Variants in PRDX1 observed in about 807,000 individuals in gnomAD.
PRDX1 encodes peroxiredoxin 1.
In PRDX1, 19 loss-of-function variants were observed where a neutral mutation model predicts 20.7. That is an observed-to-expected ratio of 0.92 (90% CI 0.64 to 1.35). PRDX1 has a LOEUF of 1.35. PRDX1 is among the 40% of genes most tolerant of loss of function. The pLI is 0.00. For synonymous variants in PRDX1, 89 were observed against 83.9 expected (o/e 1.06, Z -0.33); for missense variants, 226 against 240.0 (o/e 0.94, Z 0.38).
At chr1:45,516,839 T>G (rs575543623) in intron 2 of PRDX1, among the ~76,000 whole-genome samples, 103 of 151,956 alleles carry the variant, frequency 6.8e-4, no homozygotes, top group African/African-American at 1.9e-3. Context: ...CTGACCAACA[T>G]GGTAAAACAT....
At chr1:45,517,249 G>T (rs1041619730) in intron 2 of PRDX1, among the ~76,000 whole-genome samples, 2 of 152,022 alleles carry the variant, frequency 1.3e-5, no homozygotes, top group Non-Finnish European at 2.9e-5. Flanking sequence ...TTGTTTGCTG[G>T]GAGAAGCCCC....
intron 5 of PRDX1, among the ~76,000 whole-genome samples, chr1:45,514,070 G>C (rs767103366): frequency 6.6e-6 from 1 of 152,050 alleles, no homozygotes; most frequent in Admixed American, 6.6e-5. Context: ...TACTGAGACA[G>C]GGGAAAACCG....
chr1:45,519,009 G>A lies in PRDX1; in HGVS notation c.35C>T (p.Ala12Val). The A allele has an allele frequency of 1.3e-6, 2 of 1,599,668 alleles. No homozygotes were observed. The highest frequency in any genetic ancestry group is 1.8e-5 in the Admixed American group (1 of 55,966). Residue 12 changes from alanine (A) to valine (V), a missense_variant, in exon 2 of 6, where the codon GCC (alanine) becomes GTC (valine). Coordinates refer to ENST00000319248, the MANE Select transcript of PRDX1 (RefSeq NM_181697.3). ...AACAGCTGTGGCTTTGAAGTTGGGG[G>A]CAGGGTGCCCAATTTTAGCATTTCC... is the stretch of plus-strand genomic sequence containing the variant. ...SSGNAKIGHP[A>V]PNFKATAVMP... is the part of the protein sequence containing the mutation.
intron 1 of PRDX1, among the ~76,000 whole-genome samples, chr1:45,520,890 C>T (rs532637474): frequency 5.4e-4 from 82 of 151,062 alleles, no homozygotes; most frequent in Non-Finnish European, 7.9e-4. Flanking sequence ...GCCGACAGAG[C>T]GAGACTCTAG....
chr1:45,521,798 A>G (rs1240857691), intron 1 of PRDX1, 31 bp downstream of exon 1: 1 of 152,654 alleles, frequency 6.6e-6, no homozygotes, highest in Non-Finnish European at 1.5e-5. Context: ...GCCGCGCCTC[A>G]CTCCGCAGGG....
At chr1:45,512,660 G>A (rs1371231662) in intron 5 of PRDX1, 1 of 152,108 alleles carries the variant, frequency 6.6e-6, no homozygotes, top group Non-Finnish European at 1.5e-5. Context: ...TCTGAGTTAT[G>A]AAAGCCTGGG....
chr1:45,515,127 A>C, intron 3 of PRDX1, 132 bp from the exon 4 acceptor site: 3 of 1,306,056 alleles, frequency 2.3e-6, no homozygotes, highest in Non-Finnish European at 3.2e-6. Context: ...CCAGCAATAA[A>C]GTGAATGCTG....
chr1:45,517,551 G>A (rs1395803782), intron 2 of PRDX1, among the ~76,000 whole-genome samples: 1 of 152,142 alleles, frequency 6.6e-6, no homozygotes, highest in African/African-American at 2.4e-5. Context: ...GGAGGCCAAG[G>A]CAGGCGGATC....
chr1:45,515,585 C>CG, intron 3 of PRDX1, 69 bp downstream of exon 3: 1 of 1,267,248 alleles, frequency 7.9e-7, no homozygotes, highest in Non-Finnish European at 1.0e-6. Context: ...GGCGACAAAG[C>CG]AAGACTCCAT....
intron 1 of PRDX1, among the ~76,000 whole-genome samples, chr1:45,519,729 G>A (rs1029690724): frequency 1.3e-5 from 2 of 152,156 alleles, no homozygotes; most frequent in African/African-American, 2.4e-5. Context: ...CATAGTAGCT[G>A]GGATTACAGG....
chr1:45,511,727 T>A (rs1643749539), intron 5 of PRDX1: 1 of 221,256 alleles, frequency 4.5e-6, no homozygotes, highest in African/African-American at 2.3e-5. Context: ...AAAAGCTAAA[T>A]AAACGACACA....
intron 5 of PRDX1, chr1:45,512,074 T>A (rs1028809509): frequency 1.7e-5 from 2 of 119,690 alleles, no homozygotes; most frequent in Non-Finnish European, 3.2e-5. Flanking sequence ...TTTTTCTTTT[T>A]TTTTTTTTTT....
chr1:45,522,175 T>C (rs186749559), upstream of PRDX1, among the ~76,000 whole-genome samples: 7 of 152,322 alleles, frequency 4.6e-5, no homozygotes, highest in Admixed American at 1.3e-4. Context: ...GGATTCTCTT[T>C]ACTTCCAGGA....
intron 5 of PRDX1, chr1:45,513,370 C>T (rs1237250188): frequency 2.6e-5 from 4 of 152,138 alleles, no homozygotes; most frequent in African/African-American, 7.2e-5. Context: ...GAATAAAAAG[C>T]CTTTATATTC....
chr1:45,520,843 G>A (rs972805471), intron 1 of PRDX1, among the ~76,000 whole-genome samples: 35 of 151,966 alleles, frequency 2.3e-4, no homozygotes, highest in African/African-American at 8.5e-4. Context: ...GACAGGGGTT[G>A]CAGTAAGCCG....
At chr1:45,521,056 A>T (rs1206489074) in intron 1 of PRDX1, among the ~76,000 whole-genome samples, 1 of 152,194 alleles carries the variant, frequency 6.6e-6, no homozygotes, top group Admixed American at 6.5e-5. Context: ...AACACCTTTA[A>T]CGACAAAAAA....
chr1:45,520,516 A>C (rs1304327384), intron 1 of PRDX1, among the ~76,000 whole-genome samples: 1 of 151,992 alleles, frequency 6.6e-6, no homozygotes, highest in African/African-American at 2.4e-5. Flanking sequence ...TGAGGTCAGA[A>C]GTTCGAGACC....
intron 1 of PRDX1, among the ~76,000 whole-genome samples, chr1:45,521,440 G>A (rs955076641): frequency 1.1e-4 from 17 of 152,168 alleles, no homozygotes; most frequent in East Asian, 3.8e-4. Context: ...AATACATAGA[G>A]GCTGTCTTCT....
Position 45,515,571 on chromosome 1 carries a change from C to A in PRDX1, c.260+83G>T, listed in dbSNP as rs1204142395. The A allele has an allele frequency of 7.4e-6, 10 of 1,357,256 alleles. No individual in the cohort carries two copies. In the East Asian group the frequency reaches 2.6e-4, roughly 36 times the overall value. The allele number at this position is 1,357,256 out of a possible 1,614,324, so 84.1% of individuals were successfully genotyped here. A position where few individuals can be genotyped will look rare whatever the true frequency, so the allele number is the denominator to read the frequency against. On this transcript the variant is annotated intron_variant, in intron 3 of 5. Transcript: ENST00000319248. ...CGGAGATCACACCACTGCACTCCAG[C>A]CTGGGCGACAAAGCAAGACTCCATC... is the stretch of plus-strand genomic sequence containing the variant.
Sources: gnomAD v4.1 joint callset for allele counts (sites outside exome capture counted in the v4.1 genomes callset) on GRCh38, gnomAD v4.1.1 for gene constraint, MANE v1.5 for transcripts, NCBI Gene and HGNC (gene_info 2026-07-23, HGNC 2026-07-21) for gene names.